The following POLN variants were observed in gnomAD, a reference collection of about 807,000 sequenced individuals.
The protein encoded by POLN is DNA polymerase nu.
Under a neutral mutation model 113.5 loss-of-function variants are expected in POLN, and 108 were observed. The ratio of observed to expected loss-of-function variants is 0.95; its 90% CI spans 0.81 to 1.12. The LOEUF (loss-of-function observed/expected upper bound fraction) is 1.12, where lower values mean the gene tolerates loss of function less well. Ranked by LOEUF, POLN falls within the 50% of genes most tolerant of loss-of-function variation. The probability of loss-of-function intolerance (pLI) is 0.00; values close to 1 mark genes in which losing one functional copy is unlikely to be tolerated. For synonymous variants in POLN, 386 were observed against 391.5 expected (o/e 0.99, Z 0.17); for missense variants, 1,097 against 1,077.1 (o/e 1.02, Z -0.26).
rs577896956 is a variant in POLN, at chr4:2,091,800, T to TGTGTGTGCGC, written c.2065+4050_2065+4051insGCGCACACAC. Among the ~76,000 whole-genome samples the TGTGTGTGCGC allele has an allele frequency of 4.1e-3, 592 of 144,928 alleles. 1 individual carries two copies. Among genetic ancestry groups the TGTGTGTGCGC allele is most frequent in the African/African-American group, 0.012 (455 of 39,382 alleles). On this transcript the variant is annotated intron_variant, in intron 20 of 25. Transcript: ENST00000511885. The stretch of plus-strand genomic sequence containing the variant: ...GTGTGTGTGTGTGTGTGTGTGTGTG[T>TGTGTGTGCGC]GCGCGCGCTACAATTTGACGTTTAG...
chr4:2,092,861 G>A (rs1408206203), intron 20 of POLN, among the ~76,000 whole-genome samples: 3 of 152,216 alleles, frequency 2.0e-5, no homozygotes, highest in Non-Finnish European at 4.4e-5. Flanking sequence ...CTCAGTCCCA[G>A]CTCATGTGAC....
rs533939362 is a variant in POLN at position 2,081,615 on chromosome 4, G to A, written c.2308+18C>T. The A allele has an allele frequency of 6.8e-6, 11 of 1,612,472 alleles. No individual in the cohort carries two copies. The highest frequency in any genetic ancestry group is 1.7e-4 in the Middle Eastern group (1 of 6,056). ...GAAGCAAATGGACACAGAACTACAGGTAAGAGGCTTCTGGTACCTTGCACC... is the reference window on the plus strand; with the variant it reads ...GAAGCAAATGGACACAGAACTACAGATAAGAGGCTTCTGGTACCTTGCACC... On this transcript the variant is annotated intron_variant, in intron 22 of 25. Coordinates refer to ENST00000511885, the MANE Select transcript of POLN (RefSeq NM_181808.4).
intron 11 of POLN, 119 bp downstream of exon 11, chr4:2,173,836 T>C (rs771588120): frequency 3.0e-6 from 3 of 985,180 alleles, no homozygotes; most frequent in Non-Finnish European, 4.8e-6. Context: ...GGAGAAACAC[T>C]GTCAACACCA....
At chr4:2,081,298 G>A (rs1263873222) in intron 22 of POLN, 1 of 1,056,472 alleles carries the variant, frequency 9.5e-7, no homozygotes, top group Non-Finnish European at 1.4e-6. Flanking sequence ...TGGGGAGGAT[G>A]GAAGGGCCTA....
At chr4:2,200,302 A>T (rs1445496115) in intron 5 of POLN, among the ~76,000 whole-genome samples, 1 of 152,210 alleles carries the variant, frequency 6.6e-6, no homozygotes, top group African/African-American at 2.4e-5. Flanking sequence ...GAGAATTAGG[A>T]GATCATGGCA....
At chr4:2,195,789 A>C (rs923718343) in intron 6 of POLN, among the ~76,000 whole-genome samples, 1 of 152,242 alleles carries the variant, frequency 6.6e-6, no homozygotes, top group Non-Finnish European at 1.5e-5. Flanking sequence ...CATGAAGGAT[A>C]AGGTAAACAA....
intron 3 of POLN, among the ~76,000 whole-genome samples, chr4:2,213,701 T>C (rs1734045546): frequency 6.6e-6 from 1 of 152,178 alleles, no homozygotes; most frequent in South Asian, 2.1e-4. Flanking sequence ...AATATTTCAC[T>C]TACAATATAA....
chr4:2,090,283 C>T lies in POLN; in HGVS notation c.2066-4539G>A, dbSNP rs113060645. 5.0e-3 allele frequency: 4,003 copies of T among 808,022 alleles called. 19 individuals carry two copies. Among genetic ancestry groups the T allele is most frequent in the Non-Finnish European group, 7.0e-3 (3,393 of 483,054 alleles). 50.1% of individuals were successfully genotyped at this position (808,022 alleles called of 1,614,324 possible). ...AGAACCTCTGACAAAGGCTTCTGCA[C>T]ATCAAACTTGTTCTTCAGAACTGAT... On this transcript the variant is annotated intron_variant, in intron 20 of 25. Transcript: ENST00000511885.
chr4:2,220,107 CT>C (rs1413232674), intron 3 of POLN, among the ~76,000 whole-genome samples: 7 of 152,150 alleles, frequency 4.6e-5, no homozygotes, highest in Non-Finnish European at 8.8e-5. Flanking sequence ...ACAAATTCGC[CT>C]CTCAGCTACA....
intron 3 of POLN, chr4:2,228,492 C>A (rs1734463518): frequency 5.2e-6 from 1 of 190,936 alleles, no homozygotes; most frequent in East Asian, 1.8e-4. Flanking sequence ...CGCCTACCAC[C>A]ACTCCCAGCT....
At position 2,214,481 on chromosome 4, in the gene POLN, C is replaced by T. The variant is rs561807622; in HGVS notation, c.134-1355G>A. On this transcript the variant is annotated intron_variant, in intron 3 of 25. Coordinates refer to ENST00000511885, the MANE Select transcript of POLN (RefSeq NM_181808.4). ...TAACTGCTATATTATACAACAAGTTCTCATACATTTACAAGATAAGACAAA... is the reference window on the plus strand; with the variant it reads ...TAACTGCTATATTATACAACAAGTTTTCATACATTTACAAGATAAGACAAA... Among the ~76,000 whole-genome samples the T allele has an allele frequency of 2.9e-4, 44 of 152,214 alleles. 1 individual carries two copies. Among genetic ancestry groups the T allele is most frequent in the African/African-American group, 1.0e-3 (43 of 41,520 alleles).
chr4:2,241,234 G>C, intron 2 of POLN: 1 of 325,180 alleles, frequency 3.1e-6, no homozygotes, highest in Non-Finnish European at 5.5e-6. Context: ...TGATGATAAA[G>C]AGAAACAGAA....
At chr4:2,090,323 A>C (rs749210399) in intron 20 of POLN, 2 of 810,866 alleles carry the variant, frequency 2.5e-6, no homozygotes, top group Non-Finnish European at 4.0e-6. Context: ...TCAATATTTC[A>C]TCTGGCACAG....
intron 5 of POLN, among the ~76,000 whole-genome samples, chr4:2,204,440 TG>T (rs1206899919): frequency 2.6e-5 from 4 of 151,990 alleles, no homozygotes; most frequent in Non-Finnish European, 4.4e-5. Context: ...GAGACTGAAA[TG>T]GTAACAAAAA....
intron 6 of POLN, among the ~76,000 whole-genome samples, chr4:2,193,694 G>A (rs967724819): frequency 1.3e-4 from 20 of 152,086 alleles, no homozygotes; most frequent in African/African-American, 4.3e-4. Flanking sequence ...CCCTCTCGTC[G>A]CACTAAATTC....
At chr4:2,240,660 T>A (rs1734950027) in intron 2 of POLN, 1 of 1,613,986 alleles carries the variant, frequency 6.2e-7, no homozygotes, top group Non-Finnish European at 8.5e-7. Context: ...CAGCTCTTTA[T>A]CATCCAGTCT....
chr4:2,097,159 T>C (rs1229513567), intron 19 of POLN, among the ~76,000 whole-genome samples: 1 of 152,144 alleles, frequency 6.6e-6, no homozygotes, highest in Non-Finnish European at 1.5e-5. Flanking sequence ...CTGAGTTAGG[T>C]GAAACAATGA....
intron 16 of POLN, among the ~76,000 whole-genome samples, chr4:2,148,900 G>A (rs1450958752): frequency 1.3e-5 from 2 of 152,042 alleles, no homozygotes; most frequent in Non-Finnish European, 2.9e-5. Flanking sequence ...TGAGAAGAAA[G>A]TAACATCTTC....
At position 2,095,841 on chromosome 4, in the gene POLN, C is replaced by T. The variant is rs567817533; in HGVS notation, c.2065+10G>A. 5.1e-5 allele frequency: 82 copies of T among 1,613,766 alleles called. No homozygotes were observed. The highest frequency in any genetic ancestry group is 3.7e-4 in the African/African-American group (28 of 75,040). On this transcript the variant is annotated intron_variant, in intron 20 of 25. Transcript: ENST00000511885. Reference sequence around the variant, plus strand: ...AACCCCGAGACCCCAGCTCCCGGCCCGCAGCCTACCTGCTCCATAGACCAC... The same window carrying T: ...AACCCCGAGACCCCAGCTCCCGGCCTGCAGCCTACCTGCTCCATAGACCAC...
Sources: allele counts gnomAD v4.1 joint callset (sites outside exome capture counted in the v4.1 genomes callset), GRCh38; gene constraint gnomAD v4.1.1; transcripts MANE v1.5; gene names NCBI Gene and HGNC (gene_info 2026-07-23, HGNC 2026-07-21).